The following EXT2 variants were observed in gnomAD, a reference collection of about 807,000 sequenced individuals.
The protein encoded by EXT2 is exostosin glycosyltransferase 2, also known as exostosin-2.
A neutral mutation model predicts 81.6 loss-of-function variants in EXT2; 53 were observed. That is an observed-to-expected ratio of 0.65 (90% CI 0.52 to 0.82). The LOEUF (loss-of-function observed/expected upper bound fraction) is 0.82, where lower values mean the gene tolerates loss of function less well. Ranked by LOEUF, EXT2 falls within the 40% of genes least tolerant of loss-of-function variation. The pLI is 0.00. For synonymous variants in EXT2, 320 were observed against 340.0 expected (o/e 0.94, Z 0.65); for missense variants, 774 against 910.2 (o/e 0.85, Z 1.93).
chr11:44,244,883 T>C lies in EXT2; in HGVS notation c.*596T>C, dbSNP rs542423403. The C allele has an allele frequency of 4.3e-6, 1 of 234,018 alleles. No individual in the cohort carries two copies. The highest frequency in any genetic ancestry group is 1.8e-4 in the South Asian group (1 of 5,668). The allele number at this position is 234,018 out of a possible 1,614,324, so 14.5% of individuals were successfully genotyped here. Reference sequence around the variant, plus strand: ...TCCTGTCAGTTCCATGAGCTATTCCTCTTTGGTTTGGCTTTTTGATATGAT... The same window carrying C: ...TCCTGTCAGTTCCATGAGCTATTCCCCTTTGGTTTGGCTTTTTGATATGAT... On this transcript the variant is annotated 3_prime_UTR_variant, in exon 14 of 14. Transcript: ENST00000533608.
intron 8 of EXT2, among the ~76,000 whole-genome samples, chr11:44,189,744 A>G (rs564768962): frequency 2.0e-5 from 3 of 152,360 alleles, no homozygotes; most frequent in African/African-American, 7.2e-5. Context: ...CACAAATCCA[A>G]ACCATATCAG....
intron 7 of EXT2, among the ~76,000 whole-genome samples, chr11:44,153,576 C>T (rs1954820549): frequency 6.6e-6 from 1 of 151,940 alleles, no homozygotes; most frequent in Non-Finnish European, 1.5e-5. Flanking sequence ...TGAGAGGGGA[C>T]ATCTTTGCCT....
intron 7 of EXT2, among the ~76,000 whole-genome samples, chr11:44,169,869 G>A (rs1440094015): frequency 1.3e-5 from 2 of 151,772 alleles, no homozygotes; most frequent in South Asian, 2.1e-4. Flanking sequence ...TATGCTTTTC[G>A]CAATAGACAA....
chr11:44,232,448 G>A lies in EXT2; in HGVS notation c.1758G>A (p.Trp586Ter). 6.2e-7 allele frequency: 1 copy of A among 1,614,078 alleles called. No individual in the cohort carries two copies. Among genetic ancestry groups the A allele is most frequent in the Non-Finnish European group, 8.5e-7 (1 of 1,179,970 alleles). ...ATAAGTGGAAGTATGAGTCTGAGTGGACGAATGAAGTGTCCATGGTGCTCA... is the reference window on the plus strand; with the variant it reads ...ATAAGTGGAAGTATGAGTCTGAGTGAACGAATGAAGTGTCCATGGTGCTCA... Reference protein sequence around the residue: ...EMNKWKYESEWTNEVSMVLTG... With the variant: ...EMNKWKYESE The change falls in exon 11 of 14, where the codon TGG becomes TGA. Residue 586 changes from tryptophan to a stop codon, truncating the protein, a stop_gained. Transcript: ENST00000533608. LOFTEE classifies it high-confidence loss of function.
At chr11:44,213,069 A>G (rs1955672168) in intron 10 of EXT2, among the ~76,000 whole-genome samples, 2 of 152,216 alleles carry the variant, frequency 1.3e-5, no homozygotes, top group Admixed American at 1.3e-4. Flanking sequence ...CTTGAAAAAA[A>G]AATTGTGGGA....
intron 8 of EXT2, among the ~76,000 whole-genome samples, chr11:44,177,499 TA>T (rs1340338498): frequency 6.6e-6 from 1 of 152,188 alleles, no homozygotes; most frequent in Non-Finnish European, 1.5e-5. Context: ...GATGTGAACA[TA>T]TGTAGGAGGA....
intron 7 of EXT2, among the ~76,000 whole-genome samples, chr11:44,169,246 AAAAT>A (rs984579243): frequency 1.4e-4 from 21 of 151,730 alleles, no homozygotes; most frequent in Admixed American, 1.2e-3. Flanking sequence ...ATAAATAATA[AAAAT>A]AAATAAATAT....
intron 1 of EXT2, among the ~76,000 whole-genome samples, chr11:44,098,605 G>A (rs915317345): frequency 6.7e-6 from 1 of 150,074 alleles, no homozygotes; most frequent in African/African-American, 2.5e-5. Flanking sequence ...TGAGGCACGA[G>A]AATCGCTTGA....
chr11:44,114,296 A>T lies in EXT2; in HGVS notation c.738A>T (p.Gly246=). ...LSAEVDLPEK[G]PGPRQYFLLS... The stretch of plus-strand genomic sequence containing the variant: ...CTGAGGTGGATCTTCCAGAGAAAGG[A>T]CCAGGGTAAGGTACATTCATCCCAG... The change falls in exon 4 of 14, where the codon GGA becomes GGT. Residue 246 remains glycine, a synonymous_variant. Coordinates refer to ENST00000533608, the MANE Select transcript of EXT2 (RefSeq NM_207122.2). 1 of 1,613,130 alleles carries T rather than the reference A, an allele frequency of 6.2e-7. No individual in the cohort carries two copies. The highest frequency in any genetic ancestry group is 8.5e-7 in the Non-Finnish European group (1 of 1,179,176).
At chr11:44,119,109 G>A in intron 4 of EXT2, among the ~76,000 whole-genome samples, 1 of 108,002 alleles carries the variant, frequency 9.3e-6, no homozygotes, top group Non-Finnish European at 1.9e-5. Context: ...TGTCCCCCAG[G>A]GGACATTTGG....
rs187972021 is a variant in EXT2 at position 44,101,129 on chromosome 11, T to G, written c.-31+5277T>G. ...GGTTGGGGGTGGGGTGGGGAGAATC[T>G]TAAGGGTGTTGGACCAAAGGTGGGG... On this transcript the variant is annotated intron_variant, in intron 1 of 13. Coordinates refer to ENST00000533608, the MANE Select transcript of EXT2 (RefSeq NM_207122.2). Among the ~76,000 whole-genome samples, 535 of 152,210 alleles carry G rather than the reference T, an allele frequency of 3.5e-3. 3 individuals are homozygous for G. The highest frequency in any genetic ancestry group is 0.017 in the Middle Eastern group (5 of 294).
chr11:44,240,546 G>C (rs552257506), intron 13 of EXT2, among the ~76,000 whole-genome samples: 1 of 152,262 alleles, frequency 6.6e-6, no homozygotes, highest in African/African-American at 2.4e-5. Flanking sequence ...TCCTGCCTGG[G>C]CAACATAGCA....
chr11:44,143,500 G>A (rs953705889), intron 7 of EXT2, among the ~76,000 whole-genome samples: 2 of 152,130 alleles, frequency 1.3e-5, no homozygotes, highest in Admixed American at 6.5e-5. Context: ...GGTGTTTGTC[G>A]TCCTTCAGAT....
intron 7 of EXT2, among the ~76,000 whole-genome samples, chr11:44,165,287 A>G (rs1954980445): frequency 1.3e-5 from 2 of 152,172 alleles, no homozygotes; most frequent in Admixed American, 1.3e-4. Context: ...GCTTTCGTAC[A>G]TTGCCAGCGT....
chr11:44,238,716 C>T (rs534099595), intron 13 of EXT2, among the ~76,000 whole-genome samples: 1 of 152,176 alleles, frequency 6.6e-6, no homozygotes, highest in Admixed American at 6.6e-5. Flanking sequence ...TTGAAGTGAT[C>T]CTTCAAAAAT....
At position 44,108,085 on chromosome 11, in the gene EXT2, A is replaced by G. The variant is rs779949612; in HGVS notation, c.373A>G (p.Thr125Ala). The change falls in exon 2 of 14, where the codon ACC becomes GCC. Residue 125 changes from threonine (T) to alanine (A), a missense_variant. Thr to Ala is a moderately conservative substitution (Grantham distance 58, BLOSUM62 0). Coordinates refer to ENST00000533608, the MANE Select transcript of EXT2 (RefSeq NM_207122.2). ...TGACTTTGGCGTCTCTGTCAGCAAC[A>G]CCATCTCCCGGGAGTATAATGAACT... ...VDDFGVSVSN[T>A]ISREYNELLM... is the part of the protein sequence containing the mutation. 1 of 1,614,194 alleles carries G rather than the reference A, an allele frequency of 6.2e-7. No homozygotes were observed. Among genetic ancestry groups the G allele is most frequent in the South Asian group, 1.1e-5 (1 of 91,082 alleles).
chr11:44,207,071 A>G, intron 10 of EXT2, 112 bp downstream of exon 10: 1 of 1,262,052 alleles, frequency 7.9e-7, no homozygotes, highest in East Asian at 2.4e-5. Flanking sequence ...AGTTTCTAAA[A>G]TCTTCCAGTA....
chr11:44,107,795 C>G lies in EXT2; in HGVS notation c.83C>G (p.Thr28Ser). The G allele has an allele frequency of 3.1e-6, 5 of 1,614,172 alleles. No individual in the cohort carries two copies. Among genetic ancestry groups the G allele is most frequent in the African/African-American group, 2.7e-5 (2 of 75,028 alleles). Residue 28 changes from threonine to serine, a missense_variant, in exon 2 of 14, where the codon ACC (threonine) becomes AGC (serine). Around this residue, in one of 2 missense-constraint regions of EXT2, gnomAD observed 626 missense variants for 670.5 expected, o/e 0.93. Coordinates refer to ENST00000533608, the MANE Select transcript of EXT2 (RefSeq NM_207122.2). Reference sequence around the variant, plus strand: ...ACCAAGCACCGAATCTACTATATCACCCTCTTCTCCATTGTCCTCCTGGGC... The same window carrying G: ...ACCAAGCACCGAATCTACTATATCAGCCTCTTCTCCATTGTCCTCCTGGGC... ...MKTKHRIYYI[T>S]LFSIVLLGLI...
chr11:44,192,188 C>T (rs1955400670), intron 8 of EXT2, among the ~76,000 whole-genome samples: 1 of 152,134 alleles, frequency 6.6e-6, no homozygotes, highest in African/African-American at 2.4e-5. Context: ...GCACATGCCG[C>T]TCAGCTTGCC....
Sources: allele counts gnomAD v4.1 joint callset (sites outside exome capture counted in the v4.1 genomes callset), GRCh38; gene constraint gnomAD v4.1.1; regional missense constraint gnomAD v4.1.1; transcripts MANE v1.5; gene names NCBI Gene and HGNC (gene_info 2026-07-23, HGNC 2026-07-21).